PCCA: variants seen among roughly 807,000 people sequenced by gnomAD.
PCCA encodes propionyl-CoA carboxylase subunit alpha.
In PCCA, 74 loss-of-function variants were observed where a neutral mutation model predicts 101.3. The ratio of observed to expected loss-of-function variants is 0.73; its 90% CI spans 0.61 to 0.89. PCCA has a LOEUF of 0.89. PCCA is among the 40% of genes least tolerant of loss of function. The probability of loss-of-function intolerance (pLI) is 0.00; values close to 1 mark genes in which losing one functional copy is unlikely to be tolerated. For missense variants in PCCA, 891 were observed against 907.0 expected, an observed-to-expected ratio of 0.98 and a Z score of 0.23; for synonymous variants, 294 against 313.6, an observed-to-expected ratio of 0.94 and a Z score of 0.66.
Position 100,228,847 on chromosome 13 carries a change from C to T in PCCA, c.601-6995C>T, listed in dbSNP as rs148713180. Among the ~76,000 whole-genome samples the T allele has an allele frequency of 2.1e-3, 307 of 143,426 alleles. 1 individual carries two copies. Among genetic ancestry groups the T allele is most frequent in the African/African-American group, 7.1e-3 (271 of 38,026 alleles). 94.1% of individuals were successfully genotyped at this position (143,426 alleles called of 152,430 possible). A position where few individuals can be genotyped will look rare whatever the true frequency, so the allele number is the denominator to read the frequency against. On this transcript the variant is annotated intron_variant, in intron 7 of 23. Coordinates refer to ENST00000376285, the MANE Select transcript of PCCA (RefSeq NM_000282.4). ...CCTGGGAGGTGGAGGTTGCAATGAG[C>T]GGGGATCGCTCCATTGCACTCCAGC...
At chr13:100,439,013 T>C (rs1003694359) in intron 20 of PCCA, among the ~76,000 whole-genome samples, 2 of 152,222 alleles carry the variant, frequency 1.3e-5, no homozygotes, top group Non-Finnish European at 1.5e-5. Context: ...AAAATTACAC[T>C]GCTTCAGTTT....
At chr13:100,518,371 C>A (rs191472176) in intron 22 of PCCA, among the ~76,000 whole-genome samples, 1 of 152,232 alleles carries the variant, frequency 6.6e-6, no homozygotes, top group East Asian at 1.9e-4. Flanking sequence ...GTGGGGTGGC[C>A]GTTGAGAAGT....
chr13:100,303,295 AATG>A (rs2066206818), intron 14 of PCCA, among the ~76,000 whole-genome samples: 1 of 152,154 alleles, frequency 6.6e-6, no homozygotes, highest in Non-Finnish European at 1.5e-5. Flanking sequence ...AAGAATGAGA[AATG>A]ATGTTTTGTG....
chr13:100,176,148 G>T (rs1566639353), intron 6 of PCCA, among the ~76,000 whole-genome samples: 1 of 152,168 alleles, frequency 6.6e-6, no homozygotes, highest in Non-Finnish European at 1.5e-5. Flanking sequence ...GTACCAGCTT[G>T]TTCTGGCTTT....
At chr13:100,212,492 A>G (rs979554595) in intron 7 of PCCA, among the ~76,000 whole-genome samples, 5 of 152,206 alleles carry the variant, frequency 3.3e-5, no homozygotes, top group African/African-American at 1.2e-4. Context: ...GGCTAGAAAC[A>G]TAGAGTAATT....
chr13:100,487,049 T>C (rs1006315360), intron 21 of PCCA, among the ~76,000 whole-genome samples: 8 of 152,170 alleles, frequency 5.3e-5, no homozygotes, highest in African/African-American at 1.9e-4. Flanking sequence ...ATATCCCTTA[T>C]AGATTCAGCA....
chr13:100,385,608 G>A (rs778901347), intron 19 of PCCA, among the ~76,000 whole-genome samples: 6 of 152,084 alleles, frequency 3.9e-5, no homozygotes, highest in Non-Finnish European at 5.9e-5. Context: ...TGTTAATTCC[G>A]TTTTGTTTTG....
chr13:100,161,459 T>C (rs2054463730), intron 6 of PCCA: 1 of 152,244 alleles, frequency 6.6e-6, no homozygotes, highest in Admixed American at 6.5e-5. Context: ...GTGGCTTCCC[T>C]GCAGGGTCAT....
chr13:100,438,062 G>A (rs1036508319), intron 20 of PCCA, among the ~76,000 whole-genome samples: 14 of 151,064 alleles, frequency 9.3e-5, no homozygotes, highest in African/African-American at 3.4e-4. Flanking sequence ...GTGTACCTGT[G>A]GAGACAAAAG....
intron 6 of PCCA, among the ~76,000 whole-genome samples, chr13:100,202,239 T>C (rs1283619732): frequency 1.3e-5 from 2 of 149,894 alleles, no homozygotes. Context: ...GAGGTCAAGA[T>C]GGGAGGATCA....
chr13:100,293,259 A>G (rs2065273850), intron 12 of PCCA: 1 of 471,474 alleles, frequency 2.1e-6, no homozygotes, highest in Non-Finnish European at 4.4e-6. Context: ...GGAAAGGTAC[A>G]GTACAATTGT....
At chr13:100,324,879 T>C (rs981109130) in intron 16 of PCCA, among the ~76,000 whole-genome samples, 8 of 152,246 alleles carry the variant, frequency 5.3e-5, no homozygotes, top group Admixed American at 1.3e-4. Flanking sequence ...CTTATGGTTC[T>C]GGAATATTTT....
chr13:100,255,938 C>T (rs1174740747), intron 8 of PCCA, among the ~76,000 whole-genome samples: 1 of 152,200 alleles, frequency 6.6e-6, no homozygotes, highest in Non-Finnish European at 1.5e-5. Flanking sequence ...GTCCTATAAT[C>T]TCCACCTCTG....
chr13:100,209,293 A>G, intron 6 of PCCA, 39 bp from the exon 7 acceptor site: 2 of 1,594,222 alleles, frequency 1.3e-6, no homozygotes, highest in Non-Finnish European at 1.7e-6. Context: ...ATGCTCCGTA[A>G]TGTTCTTGTT....
chr13:100,099,210 A>G (rs979390985), intron 1 of PCCA, among the ~76,000 whole-genome samples: 6 of 152,158 alleles, frequency 3.9e-5, no homozygotes, highest in African/African-American at 1.2e-4. Flanking sequence ...TGGTTTTGGC[A>G]GAAATAGTGT....
chr13:100,464,235 G>A lies in PCCA; in HGVS notation c.1899+14930G>A, dbSNP rs183860862. On this transcript the variant is annotated intron_variant, in intron 21 of 23. Coordinates refer to ENST00000376285, the MANE Select transcript of PCCA (RefSeq NM_000282.4). Reference sequence around the variant, plus strand: ...CTAGTGAACAGGATCGGGCAGGGGTGGGGGAGGAATAAGTAGAGTTTGTCT... The same window carrying A: ...CTAGTGAACAGGATCGGGCAGGGGTAGGGGAGGAATAAGTAGAGTTTGTCT... Among the ~76,000 whole-genome samples the A allele has an allele frequency of 2.6e-5, 4 of 152,268 alleles. No individual in the cohort carries two copies. The East Asian group carries it at 7.7e-4, about 29-fold the overall frequency.
chr13:100,301,654 G>A, intron 13 of PCCA, 51 bp downstream of exon 13: 1 of 1,596,112 alleles, frequency 6.3e-7, no homozygotes. Context: ...CCAGAGTCAT[G>A]AGACCTGGTA....
At chr13:100,359,506 CA>C (rs2074332269) in intron 18 of PCCA, among the ~76,000 whole-genome samples, 2 of 152,202 alleles carry the variant, frequency 1.3e-5, no homozygotes, top group South Asian at 4.1e-4. Flanking sequence ...AAAAGGCAAT[CA>C]AATGCAAGTT....
chr13:100,236,427 T>A (rs1344984605), intron 8 of PCCA: 2 of 153,086 alleles, frequency 1.3e-5, no homozygotes, highest in African/African-American at 2.4e-5. Context: ...GGGCAGTGTT[T>A]CCCAACTTTT....
Sources: gnomAD v4.1 joint callset for allele counts (sites outside exome capture counted in the v4.1 genomes callset) on GRCh38, gnomAD v4.1.1 for gene constraint, MANE v1.5 for transcripts, NCBI Gene and HGNC (gene_info 2026-07-23, HGNC 2026-07-21) for gene names.